Variants in CACNA1B observed in about 807,000 individuals in gnomAD.
CACNA1B encodes the protein voltage-dependent N-type calcium channel subunit alpha-1B.
CACNA1B carries 70 observed loss-of-function variants against 247.2 expected under a neutral mutation model. The ratio of observed to expected loss-of-function variants is 0.28; its 90% CI spans 0.23 to 0.35. CACNA1B has a LOEUF of 0.35. CACNA1B is among the 10% of genes least tolerant of loss of function. The pLI is 1.00. For missense variants in CACNA1B, 2,367 were observed against 3,197.4 expected (o/e 0.74, Z 6.26); for synonymous variants, 1,231 against 1,294.4 (o/e 0.95, Z 1.05).
At chr9:138,025,701 T>C (rs1184865170) in intron 20 of CACNA1B, among the ~76,000 whole-genome samples, 2 of 152,210 alleles carry the variant, frequency 1.3e-5, no homozygotes, top group Non-Finnish European at 2.9e-5. Context: ...CCTTGCTCAC[T>C]CACATGCTCG....
intron 31 of CACNA1B, among the ~76,000 whole-genome samples, chr9:138,064,036 A>C (rs1017164388): frequency 1.3e-5 from 2 of 152,120 alleles, no homozygotes; most frequent in African/African-American, 4.8e-5. Context: ...GGCACACGAG[A>C]CCACTGAGAG....
At position 138,010,132 on chromosome 9, in the gene CACNA1B, C is replaced by A; in HGVS notation, c.2160+55C>A. The A allele has an allele frequency of 7.0e-7, 1 of 1,438,092 alleles. No homozygotes were observed. The highest frequency in any genetic ancestry group is 9.8e-7 in the Non-Finnish European group (1 of 1,020,470). 89.1% of individuals were successfully genotyped at this position (1,438,092 alleles called of 1,614,324 possible). A position where few individuals can be genotyped will look rare whatever the true frequency, so the allele number is the denominator to read the frequency against. On this transcript the variant is annotated intron_variant, in intron 17 of 46. Coordinates refer to ENST00000371372, the MANE Select transcript of CACNA1B (RefSeq NM_000718.4). The surrounding 1 kb of genome is among the most constrained non-coding windows in gnomAD (Gnocchi z 5.3). ...AGCCCATGTCACTTGAATGTGGCCG[C>A]AGCCAGGAAGAGTCTGGGTCCTGGG...
intron 36 of CACNA1B, among the ~76,000 whole-genome samples, chr9:138,085,869 A>G (rs1170041334): frequency 6.6e-6 from 1 of 151,370 alleles, no homozygotes; most frequent in Non-Finnish European, 1.5e-5. Flanking sequence ...ATTCATCACC[A>G]CTAGACCAGC....
chr9:138,105,491 C>T (rs973192610), intron 38 of CACNA1B, among the ~76,000 whole-genome samples: 2 of 152,184 alleles, frequency 1.3e-5, no homozygotes, highest in Non-Finnish European at 2.9e-5. Flanking sequence ...CAGGAGGGTC[C>T]TCAGCTAGAT....
At position 137,913,348 on chromosome 9, in the gene CACNA1B, TG is replaced by T. The variant is rs1483037114; in HGVS notation, c.622+79del. ...CCTACCCTCACCACGGACATGGCCATGGCCATGGTTTGGCTTTGGTGACTCT... is the reference window on the plus strand; with the variant it reads ...CCTACCCTCACCACGGACATGGCCATGCCATGGTTTGGCTTTGGTGACTCT... On this transcript the variant is annotated intron_variant, in intron 4 of 46. Coordinates refer to ENST00000371372, the MANE Select transcript of CACNA1B (RefSeq NM_000718.4). This position sits in a 1 kb window ranked among gnomAD's most constrained non-coding sequence, Gnocchi z 5.2. 2 of 1,135,374 alleles carry T rather than the reference TG, an allele frequency of 1.8e-6. No individual in the cohort carries two copies. The highest frequency in any genetic ancestry group is 2.6e-6 in the Non-Finnish European group (2 of 766,110). The allele number at this position is 1,135,374 out of a possible 1,614,324, so 70.3% of individuals were successfully genotyped here.
intron 39 of CACNA1B, among the ~76,000 whole-genome samples, chr9:138,109,701 C>T (rs996515739): frequency 1.3e-5 from 2 of 152,206 alleles, no homozygotes; most frequent in Non-Finnish European, 2.9e-5. Flanking sequence ...TAGCACATAC[C>T]TTTTACCCTG....
intron 15 of CACNA1B, among the ~76,000 whole-genome samples, chr9:137,996,900 C>T (rs186765772): frequency 2.4e-4 from 37 of 152,296 alleles, no homozygotes; most frequent in African/African-American, 8.4e-4. Context: ...AAATACAGAT[C>T]ACTTCTGCAA....
In CACNA1B at chr9:138,077,460, G is replaced by C. The variant is rs370251470; in HGVS notation, c.4950-654G>C. Among the ~76,000 whole-genome samples, 8 of 151,992 alleles carry C rather than the reference G, an allele frequency of 5.3e-5. No homozygotes were observed. In the East Asian group the frequency reaches 1.3e-3, roughly 26 times the overall value. ...GAAAGAGTGGGCAGCAGGTCCCACAGTGCTATGGGCAGTCATGTGGATTTT... is the reference window on the plus strand; with the variant it reads ...GAAAGAGTGGGCAGCAGGTCCCACACTGCTATGGGCAGTCATGTGGATTTT... On this transcript the variant is annotated intron_variant, in intron 35 of 46. Transcript: ENST00000371372.
chr9:137,892,981 C>T (rs964667582), intron 3 of CACNA1B, among the ~76,000 whole-genome samples: 2 of 152,184 alleles, frequency 1.3e-5, no homozygotes, highest in African/African-American at 4.8e-5. Flanking sequence ...CAGGGACACA[C>T]GGGAGGGGGG....
At chr9:137,921,250 C>T (rs1289696508) in intron 6 of CACNA1B, among the ~76,000 whole-genome samples, 2 of 152,226 alleles carry the variant, frequency 1.3e-5, no homozygotes, top group Non-Finnish European at 2.9e-5. Context: ...AGGAAAAACA[C>T]CACGACCACA....
intron 3 of CACNA1B, among the ~76,000 whole-genome samples, chr9:137,896,366 A>T (rs1323218622): frequency 6.6e-6 from 1 of 152,126 alleles, no homozygotes; most frequent in Non-Finnish European, 1.5e-5. Flanking sequence ...ATTTTATCAA[A>T]TGCTTTTTTT....
In CACNA1B at chr9:138,019,599, C is replaced by T. The variant is rs550528761; in HGVS notation, c.2268-3412C>T. On this transcript the variant is annotated intron_variant, in intron 18 of 46. Coordinates refer to ENST00000371372, the MANE Select transcript of CACNA1B (RefSeq NM_000718.4). ...AGGCCACCTGCCCTGATGGAAGTGG[C>T]CAGGTGTCCTGTCCCTGTCCTAGTG... Among the ~76,000 whole-genome samples the T allele has an allele frequency of 1.9e-4, 29 of 152,006 alleles. No individual in the cohort carries two copies. In the East Asian group the frequency reaches 5.7e-3, roughly 30 times the overall value.
rs1958414549 is a variant in CACNA1B at position 137,990,078 on chromosome 9, T to C, written c.1974+3224T>C. On this transcript the variant is annotated intron_variant, in intron 15 of 46. Coordinates refer to ENST00000371372, the MANE Select transcript of CACNA1B (RefSeq NM_000718.4). This position sits in a 1 kb window ranked among gnomAD's most constrained non-coding sequence, Gnocchi z 4.5. ...CAGGCAAGTTCTCAGCCCTGGGCAC[T>C]GGCTGCCTGGAAATAGACTCAGTGC... Among the ~76,000 whole-genome samples the C allele has an allele frequency of 6.6e-6, 1 of 152,118 alleles. No homozygotes were observed. The highest frequency in any genetic ancestry group is 2.1e-4 in the South Asian group (1 of 4,824).
At chr9:137,927,243 TTC>T (rs1957561694) in intron 6 of CACNA1B, among the ~76,000 whole-genome samples, 1 of 48,012 alleles carries the variant, frequency 2.1e-5, no homozygotes, top group South Asian at 1.5e-3. Flanking sequence ...AGCTTTCTTC[TTC>T]TTTTTTTTTT....
Position 137,952,372 on chromosome 9 carries a change from C to A in CACNA1B, c.1065C>A (p.Leu355=). ...FFMLNLVLGV[L]SGEFAKERER... ...TGCTCAACCTGGTGCTGGGCGTGCT[C>A]TCGGGGTGAGAGACCATGTGGGGGA... The change falls in exon 7 of 47, where the codon CTC becomes CTA. Residue 355 remains leucine, a synonymous_variant. Coordinates refer to ENST00000371372, the MANE Select transcript of CACNA1B (RefSeq NM_000718.4). This position sits in a 1 kb window ranked among gnomAD's most constrained non-coding sequence, Gnocchi z 4.8. The A allele has an allele frequency of 6.2e-7, 1 of 1,613,314 alleles. No individual in the cohort carries two copies. The highest frequency in any genetic ancestry group is 8.5e-7 in the Non-Finnish European group (1 of 1,179,342).
At chr9:138,083,725 T>C (rs1960602749) in intron 36 of CACNA1B, among the ~76,000 whole-genome samples, 1 of 150,620 alleles carries the variant, frequency 6.6e-6, no homozygotes, top group Non-Finnish European at 1.5e-5. Flanking sequence ...TGCCCTGCTT[T>C]CCTGGAGCTA....
intron 3 of CACNA1B, among the ~76,000 whole-genome samples, chr9:137,894,695 ACCGTG>A (rs1359957571): frequency 2.6e-5 from 4 of 152,154 alleles, no homozygotes; most frequent in African/African-American, 9.7e-5. Context: ...GGCATGAGCC[ACCGTG>A]CCTGGCCCTA....
At chr9:138,056,546 T>C (rs1327274357) in intron 26 of CACNA1B, among the ~76,000 whole-genome samples, 1 of 152,222 alleles carries the variant, frequency 6.6e-6, no homozygotes, top group Non-Finnish European at 1.5e-5. Flanking sequence ...TATGTCCACA[T>C]TTTTGTGTGG....
intron 21 of CACNA1B, 33 bp downstream of exon 21, chr9:138,043,933 G>A (rs780027801): frequency 1.7e-5 from 28 of 1,605,884 alleles, no homozygotes; most frequent in Admixed American, 5.0e-5. Flanking sequence ...GTGTGTGGCC[G>A]CCCACTCACC....
Sources: allele counts gnomAD v4.1 joint callset (sites outside exome capture counted in the v4.1 genomes callset), GRCh38; gene constraint gnomAD v4.1.1; non-coding constraint Gnocchi (gnomAD v3.1); transcripts MANE v1.5; gene names NCBI Gene and HGNC (gene_info 2026-07-23, HGNC 2026-07-21).